Variants in ILRUN observed in about 807,000 individuals in gnomAD.
The protein encoded by ILRUN is inflammation and lipid regulator with UBA-like and NBR1-like domains, also known as protein ILRUN.
ILRUN carries 3 observed loss-of-function variants against 33.8 expected under a neutral mutation model. The observed-to-expected ratio is 0.09, with a 90% CI of 0.04 to 0.23. The LOEUF is 0.23. Among genes scored for constraint, ILRUN ranks in the 10% least tolerant of loss-of-function variants. ILRUN has a pLI of 1.00. For missense variants in ILRUN, 210 were observed against 375.1 expected, an observed-to-expected ratio of 0.56 and a Z score of 3.64; for synonymous variants, 124 against 138.9, an observed-to-expected ratio of 0.89 and a Z score of 0.75.
At chr6:34,683,388 A>G (rs943555351) in intron 1 of ILRUN, among the ~76,000 whole-genome samples, 9 of 143,650 alleles carry the variant, frequency 6.3e-5, no homozygotes, top group Non-Finnish European at 9.0e-5. Context: ...AAATTCTGTT[A>G]TATATATGCA....
At chr6:34,591,112 C>T (rs1057118156) in intron 4 of ILRUN, among the ~76,000 whole-genome samples, 3 of 152,216 alleles carry the variant, frequency 2.0e-5, no homozygotes, top group Non-Finnish European at 4.4e-5. Context: ...CTTTAATTCT[C>T]ACCTCTTCCC....
At chr6:34,624,673 A>C (rs114744895) in intron 3 of ILRUN, among the ~76,000 whole-genome samples, 1,664 of 152,262 alleles carry the variant, frequency 0.011, 12 homozygotes, top group Non-Finnish European at 0.015. Flanking sequence ...TAAAAACAAC[A>C]ACCACCCATT....
intron 4 of ILRUN, among the ~76,000 whole-genome samples, chr6:34,591,976 C>G (rs1294722816): frequency 6.6e-6 from 1 of 152,180 alleles, no homozygotes; most frequent in African/African-American, 2.4e-5. Context: ...GCTTCACAGT[C>G]TTGCTTCCCC....
At chr6:34,672,419 T>C (rs543281319) in intron 1 of ILRUN, among the ~76,000 whole-genome samples, 14 of 152,138 alleles carry the variant, frequency 9.2e-5, no homozygotes, top group African/African-American at 2.4e-4. Context: ...CACTCTTAAA[T>C]AGGAGTACGT....
At chr6:34,695,311 ACCTTTTG>A (rs371438072) in intron 1 of ILRUN, among the ~76,000 whole-genome samples, 333 of 152,296 alleles carry the variant, frequency 2.2e-3, no homozygotes, top group African/African-American at 7.4e-3. Flanking sequence ...AGGGCACTGA[ACCTTTTG>A]CCTTTTGCCC....
At chr6:34,669,440 T>A (rs1028782593) in intron 1 of ILRUN, among the ~76,000 whole-genome samples, 2 of 152,120 alleles carry the variant, frequency 1.3e-5, no homozygotes, top group Non-Finnish European at 2.9e-5. Context: ...GAGGCCTTCT[T>A]TTGACAGGGC....
rs566869933 is a variant in ILRUN, at chr6:34,668,022, A to G, written c.159-13243T>C. 2.0e-5 allele frequency among the ~76,000 whole-genome samples: 3 copies of G among 152,332 alleles called. No individual in the cohort carries two copies. In the East Asian group the frequency reaches 5.8e-4, roughly 29 times the overall value. On this transcript the variant is annotated intron_variant, in intron 1 of 4. Coordinates refer to ENST00000374023, the MANE Select transcript of ILRUN (RefSeq NM_024294.4). Reference sequence around the variant, plus strand: ...TCCTTCAGAGTGACAATAGTACTGTAGTCATGTAGAATGATGCTCTTGTTC... The same window carrying G: ...TCCTTCAGAGTGACAATAGTACTGTGGTCATGTAGAATGATGCTCTTGTTC...
intron 3 of ILRUN, among the ~76,000 whole-genome samples, chr6:34,607,640 T>TA (rs1761662648): frequency 8.5e-6 from 1 of 117,650 alleles, no homozygotes; most frequent in African/African-American, 4.7e-5. Context: ...GTGAACATCA[T>TA]AGAGTGTACA....
At chr6:34,640,024 G>T (rs1049865163) in intron 3 of ILRUN, among the ~76,000 whole-genome samples, 2 of 152,030 alleles carry the variant, frequency 1.3e-5, no homozygotes, top group African/African-American at 4.8e-5. Context: ...TCCTTTGGTG[G>T]GGTGGAGTGG....
intron 1 of ILRUN, among the ~76,000 whole-genome samples, chr6:34,677,175 T>C (rs761213147): frequency 5.9e-5 from 9 of 151,754 alleles, no homozygotes; most frequent in Non-Finnish European, 1.2e-4. Flanking sequence ...GGCATGGTGG[T>C]GTATGCCTGT....
intron 3 of ILRUN, among the ~76,000 whole-genome samples, chr6:34,627,771 T>G (rs1762168850): frequency 6.6e-6 from 1 of 151,226 alleles, no homozygotes; most frequent in Non-Finnish European, 1.5e-5. Context: ...TGGCGTGATC[T>G]CGGCTCACCA....
At chr6:34,644,292 T>A (rs768017762) in intron 3 of ILRUN, among the ~76,000 whole-genome samples, 3 of 152,200 alleles carry the variant, frequency 2.0e-5, no homozygotes, top group Non-Finnish European at 4.4e-5. Flanking sequence ...GTAGCATGTA[T>A]TTTAAAAATT....
At chr6:34,613,277 A>T (rs1479803557) in intron 3 of ILRUN, among the ~76,000 whole-genome samples, 4 of 152,176 alleles carry the variant, frequency 2.6e-5, no homozygotes, top group African/African-American at 9.7e-5. Flanking sequence ...ACAAATTTTT[A>T]GAATAAGTGT....
intron 1 of ILRUN, among the ~76,000 whole-genome samples, chr6:34,675,323 C>G (rs1763205475): frequency 6.6e-6 from 1 of 152,128 alleles, no homozygotes; most frequent in Non-Finnish European, 1.5e-5. Flanking sequence ...AGGTGCAAAA[C>G]AAGCCCAAAT....
rs188848417 is a variant in ILRUN, at chr6:34,676,332, G to A, written c.158+20114C>T. Reference sequence around the variant, plus strand: ...GAGGATAATTTGAGTCTGGGAGGTTGAGGCTGCAGTGAGCCATGATTCTAG... The same window carrying A: ...GAGGATAATTTGAGTCTGGGAGGTTAAGGCTGCAGTGAGCCATGATTCTAG... On this transcript the variant is annotated intron_variant, in intron 1 of 4. Coordinates refer to ENST00000374023, the MANE Select transcript of ILRUN (RefSeq NM_024294.4). Among the ~76,000 whole-genome samples, 481 of 151,888 alleles carry A rather than the reference G, an allele frequency of 3.2e-3. 4 individuals carry two copies. Among genetic ancestry groups the A allele is most frequent in the Non-Finnish European group, 2.9e-3 (195 of 67,958 alleles).
At chr6:34,688,710 C>A (rs762607228) in intron 1 of ILRUN, among the ~76,000 whole-genome samples, 1 of 151,896 alleles carries the variant, frequency 6.6e-6, no homozygotes, top group Non-Finnish European at 1.5e-5. Flanking sequence ...ATACTTGGGA[C>A]GCTAAGGTAG....
At chr6:34,638,543 G>A (rs939600161) in intron 3 of ILRUN, among the ~76,000 whole-genome samples, 8 of 151,440 alleles carry the variant, frequency 5.3e-5, no homozygotes, top group Admixed American at 3.3e-4. Context: ...GCAAAACCCC[G>A]TCTCTACAAA....
At position 34,653,970 on chromosome 6, in the gene ILRUN, C is replaced by CAA. The variant is rs34498804; in HGVS notation, c.313+653_313+654dup. Among the ~76,000 whole-genome samples the CAA allele has an allele frequency of 3.3e-3, 269 of 80,972 alleles. 2 individuals are homozygous for CAA. Among genetic ancestry groups the CAA allele is most frequent in the East Asian group, 0.012 (40 of 3,226 alleles). 53.1% of individuals were successfully genotyped at this position (80,972 alleles called of 152,430 possible). A position where few individuals can be genotyped will look rare whatever the true frequency, so the allele number is the denominator to read the frequency against. ...TGGGCAACAGAGCGAGATGCTGTCT[C>CAA]AAAAAAAAAAAAAAAAAAAGTGCTG... On this transcript the variant is annotated intron_variant, in intron 2 of 4. Transcript: ENST00000374023.
intron 1 of ILRUN, among the ~76,000 whole-genome samples, chr6:34,657,590 G>C (rs1301121909): frequency 3.9e-5 from 6 of 152,314 alleles, no homozygotes; most frequent in Non-Finnish European, 7.4e-5. Flanking sequence ...CAGGAAGCTG[G>C]AGAGGATGAC....
Sources: gnomAD v4.1 joint callset for allele counts (sites outside exome capture counted in the v4.1 genomes callset) on GRCh38, gnomAD v4.1.1 for gene constraint, MANE v1.5 for transcripts, NCBI Gene and HGNC (gene_info 2026-07-23, HGNC 2026-07-21) for gene names.